The following ENHO variants were observed in gnomAD, a reference collection of about 807,000 sequenced individuals.
ENHO encodes energy homeostasis associated, also known as adropin.
In ENHO, 5 loss-of-function variants were observed where a neutral mutation model predicts 4.1. The observed-to-expected ratio is 1.23, with a 90% CI of 0.64 to 2.58. The LOEUF (loss-of-function observed/expected upper bound fraction) is 2.58, where lower values mean the gene tolerates loss of function less well. Among genes scored for constraint, ENHO ranks in the 30% most tolerant of loss-of-function variants. The pLI is 0.01. For synonymous variants in ENHO, 45 were observed against 42.9 expected, an observed-to-expected ratio of 1.05 and a Z score of -0.19; for missense variants, 86 against 97.7, an observed-to-expected ratio of 0.88 and a Z score of 0.51.
chr9:34,521,564 G>C lies in ENHO; in HGVS notation c.132C>G (p.Leu44=). Residue 44 remains leucine (L), a synonymous_variant, in exon 2 of 2, where the codon CTC becomes CTG. Transcript: ENST00000399775. ...GGCTGGAGTTGGGACTGGATTCAGAGAGAGAGTCAACGTCGGCAGAGCGAG... is the reference window on the plus strand; with the variant it reads ...GGCTGGAGTTGGGACTGGATTCAGACAGAGAGTCAACGTCGGCAGAGCGAG... ...CHSRSADVDS[L]SESSPNSSPG... The C allele has an allele frequency of 1.2e-6, 2 of 1,614,088 alleles. No homozygotes were observed. The highest frequency in any genetic ancestry group is 1.7e-6 in the Non-Finnish European group (2 of 1,180,034).
rs72735260 is a variant in ENHO at position 34,521,190 on chromosome 9, G to T, written c.*275C>A. On this transcript the variant is annotated 3_prime_UTR_variant, in exon 2 of 2. Transcript: ENST00000399775. ...AGGTGCTCAGCCTAGGGAAAGAGTG[G>T]ACCCGGCCCCTGACCCTTGGCCCTT... 0.091 allele frequency: 51,847 copies of T among 570,550 alleles called. 2,851 individuals are homozygous for T. Among genetic ancestry groups the T allele is most frequent in the Non-Finnish European group, 0.12 (36,777 of 317,024 alleles). 35.3% of individuals were successfully genotyped at this position (570,550 alleles called of 1,614,324 possible). A position where few individuals can be genotyped will look rare whatever the true frequency, so the allele number is the denominator to read the frequency against.
chr9:34,521,463 C>T lies in ENHO; in HGVS notation c.*2G>A, dbSNP rs1280413291. The stretch of plus-strand genomic sequence containing the variant: ...CTGGGCTCCAGGCTAGGCCAGGGGC[C>T]TTCAGGGCTGCAGCAGGTAGCTGCC... On this transcript the variant is annotated 3_prime_UTR_variant, in exon 2 of 2. Transcript: ENST00000399775. The T allele has an allele frequency of 1.2e-6, 2 of 1,611,506 alleles. No individual in the cohort carries two copies. Among genetic ancestry groups the T allele is most frequent in the African/African-American group, 1.3e-5 (1 of 75,000 alleles).
At position 34,522,965 on chromosome 9, in the gene ENHO, G is replaced by T. The variant is rs1246229822; in HGVS notation, c.-350C>A. ...CGGCCGCTCCCGCCGCGGCGCGACC[G>T]GGGCGGCCTCTGCCGCGGGCGGTCT... On this transcript the variant is annotated 5_prime_UTR_variant, in exon 1 of 2. Transcript: ENST00000399775. This position sits in a 1 kb window ranked among gnomAD's most constrained non-coding sequence, Gnocchi z 4.2. 2 of 150,948 alleles carry T rather than the reference G, an allele frequency of 1.3e-5. No individual in the cohort carries two copies. Among genetic ancestry groups the T allele is most frequent in the African/African-American group, 4.8e-5 (2 of 41,278 alleles). 9.4% of individuals were successfully genotyped at this position (150,948 alleles called of 1,614,324 possible). A position where few individuals can be genotyped will look rare whatever the true frequency, so the allele number is the denominator to read the frequency against.
In ENHO at chr9:34,521,367, G is replaced by C; in HGVS notation, c.*98C>G. 8.5e-7 allele frequency: 1 copy of C among 1,176,864 alleles called. No homozygotes were observed. Among genetic ancestry groups the C allele is most frequent in the Middle Eastern group, 1.9e-4 (1 of 5,252 alleles). The allele number at this position is 1,176,864 out of a possible 1,614,324, so 72.9% of individuals were successfully genotyped here. ...TCCAGCTCCAAGCAGGCGGACTCTTGAGTTCTGGACCCCAGGCTGGCTGAA... is the reference window on the plus strand; with the variant it reads ...TCCAGCTCCAAGCAGGCGGACTCTTCAGTTCTGGACCCCAGGCTGGCTGAA... On this transcript the variant is annotated 3_prime_UTR_variant, in exon 2 of 2. Coordinates refer to ENST00000399775, the MANE Select transcript of ENHO (RefSeq NM_198573.3).
Position 34,521,563 on chromosome 9 carries a change from A to G in ENHO, c.133T>C (p.Ser45Pro). Reference sequence around the variant, plus strand: ...GGGCTGGAGTTGGGACTGGATTCAGAGAGAGAGTCAACGTCGGCAGAGCGA... The same window carrying G: ...GGGCTGGAGTTGGGACTGGATTCAGGGAGAGAGTCAACGTCGGCAGAGCGA... The part of the protein sequence containing the change: ...HSRSADVDSL[S>P]ESSPNSSPGP... Residue 45 changes from serine (S) to proline (P), a missense_variant, in exon 2 of 2, where the codon TCT (serine) becomes CCT (proline). Ser to Pro is a moderately conservative substitution (Grantham distance 74, BLOSUM62 -1). Coordinates refer to ENST00000399775, the MANE Select transcript of ENHO (RefSeq NM_198573.3). 1 of 1,613,992 alleles carries G rather than the reference A, an allele frequency of 6.2e-7. No individual in the cohort carries two copies. Among genetic ancestry groups the G allele is most frequent in the Non-Finnish European group, 8.5e-7 (1 of 1,180,016 alleles).
rs1295941053 is a variant in ENHO at position 34,522,011 on chromosome 9, C to G, written c.-161-155G>C. 6.6e-6 allele frequency among the ~76,000 whole-genome samples: 1 copy of G among 152,176 alleles called. No homozygotes were observed. Among genetic ancestry groups the G allele is most frequent in the Non-Finnish European group, 1.5e-5 (1 of 68,020 alleles). On this transcript the variant is annotated intron_variant, in intron 1 of 1. Transcript: ENST00000399775. This position sits in a 1 kb window ranked among gnomAD's most constrained non-coding sequence, Gnocchi z 4.2. ...CAACAGGCTCGAATACCCCACAGAGCCATCACCCCCATCCACAGGCTTGGT... is the reference window on the plus strand; with the variant it reads ...CAACAGGCTCGAATACCCCACAGAGGCATCACCCCCATCCACAGGCTTGGT...
At position 34,522,664 on chromosome 9, in the gene ENHO, GTC is replaced by G. The variant is rs1459696900; in HGVS notation, c.-162+111_-162+112del. 1 of 152,936 alleles carries G rather than the reference GTC, an allele frequency of 6.5e-6. No individual in the cohort carries two copies. The highest frequency in any genetic ancestry group is 1.5e-5 in the Non-Finnish European group (1 of 68,252). 9.5% of individuals were successfully genotyped at this position (152,936 alleles called of 1,614,324 possible). On this transcript the variant is annotated intron_variant, in intron 1 of 1. Coordinates refer to ENST00000399775, the MANE Select transcript of ENHO (RefSeq NM_198573.3). The surrounding 1 kb of genome is among the most constrained non-coding windows in gnomAD (Gnocchi z 4.2). ...GTGGGGTCTTTTCGGTGGTTCCTGT[GTC>G]TCTGTCTTTGTGTTCGTCTCTCTCC...
chr9:34,521,318 C>A lies in ENHO; in HGVS notation c.*147G>T. The A allele has an allele frequency of 1.3e-6, 1 of 793,948 alleles. No homozygotes were observed. The highest frequency in any genetic ancestry group is 2.1e-6 in the Non-Finnish European group (1 of 468,434). 49.2% of individuals were successfully genotyped at this position (793,948 alleles called of 1,614,324 possible). On this transcript the variant is annotated 3_prime_UTR_variant, in exon 2 of 2. Transcript: ENST00000399775. Reference sequence around the variant, plus strand: ...CCACTGAGCTCCTATTGGAGCCAAGCTGGCTAGACTCTGGGCCGCTGGGTC... The same window carrying A: ...CCACTGAGCTCCTATTGGAGCCAAGATGGCTAGACTCTGGGCCGCTGGGTC...
Position 34,521,411 on chromosome 9 carries a change from A to C in ENHO, c.*54T>G. 1 of 1,504,778 alleles carries C rather than the reference A, an allele frequency of 6.6e-7. No homozygotes were observed. The highest frequency in any genetic ancestry group is 9.2e-7 in the Non-Finnish European group (1 of 1,089,554). 93.2% of individuals were successfully genotyped at this position (1,504,778 alleles called of 1,614,324 possible). On this transcript the variant is annotated 3_prime_UTR_variant, in exon 2 of 2. Transcript: ENST00000399775. ...GGCTGAACTCTGGGATCCTAATTCC[A>C]GGCTCTAGGTGAGGTGGACTTAGGT...
In ENHO at chr9:34,521,516, G is replaced by A. The variant is rs748763619; in HGVS notation, c.180C>T (p.Ala60=). 6.2e-7 allele frequency: 1 copy of A among 1,613,874 alleles called. No homozygotes were observed. Among genetic ancestry groups the A allele is most frequent in the Non-Finnish European group, 8.5e-7 (1 of 1,180,006 alleles). ...NSSPGPCPEK[A]PPPQKPSHEG... is the part of the protein sequence containing the mutation. ...CATGGCTGGGCTTCTGGGGTGGTGGGGCCTTCTCAGGACAGGGGCCAGGGC... is the reference window on the plus strand; with the variant it reads ...CATGGCTGGGCTTCTGGGGTGGTGGAGCCTTCTCAGGACAGGGGCCAGGGC... Residue 60 remains alanine (A), a synonymous_variant, in exon 2 of 2, where the codon GCC becomes GCT. Transcript: ENST00000399775.
Position 34,521,763 on chromosome 9 carries a change from A to C in ENHO, c.-68T>G. On this transcript the variant is annotated 5_prime_UTR_variant, in exon 2 of 2. Coordinates refer to ENST00000399775, the MANE Select transcript of ENHO (RefSeq NM_198573.3). The stretch of plus-strand genomic sequence containing the variant: ...TCAATGGTGAGGCCCATGCCGAGGC[A>C]GGACTCTGGTATGGCCGGCCTTCAG... The C allele has an allele frequency of 7.0e-7, 1 of 1,422,264 alleles. No individual in the cohort carries two copies. Among genetic ancestry groups the C allele is most frequent in the Non-Finnish European group, 9.7e-7 (1 of 1,026,998 alleles). 88.1% of individuals were successfully genotyped at this position (1,422,264 alleles called of 1,614,324 possible).
rs761144143 is a variant in ENHO, at chr9:34,521,528, A to T, written c.168T>A (p.Cys56Ter). ...TCTGGGGTGGTGGGGCCTTCTCAGG[A>T]CAGGGGCCAGGGCTGGAGTTGGGAC... ...ESSPNSSPGPCPEKAPPPQKP... is the reference protein window; with the variant it reads ...ESSPNSSPGP The change falls in exon 2 of 2, where the codon TGT (cysteine) becomes TGA (stop). Residue 56 changes from cysteine (C) to a stop codon, truncating the protein, a stop_gained. Coordinates refer to ENST00000399775, the MANE Select transcript of ENHO (RefSeq NM_198573.3). LOFTEE classifies it high-confidence loss of function. 6.2e-7 allele frequency: 1 copy of T among 1,613,910 alleles called. No homozygotes were observed. Among genetic ancestry groups the T allele is most frequent in the Admixed American group, 1.7e-5 (1 of 60,018 alleles).
intron 1 of ENHO, 28 bp from the exon 2 acceptor site, chr9:34,521,884 G>A (rs1825286960): frequency 1.6e-6 from 1 of 609,764 alleles, no homozygotes; most frequent in Non-Finnish European, 3.0e-6. Flanking sequence ...TAAAGGAGAG[G>A]GTGGTGAGGA....
chr9:34,521,841 A>G lies in ENHO; in HGVS notation c.-146T>C. 1.4e-6 allele frequency: 1 copy of G among 693,166 alleles called. No homozygotes were observed. Among genetic ancestry groups the G allele is most frequent in the South Asian group, 1.8e-5 (1 of 54,688 alleles). The allele number at this position is 693,166 out of a possible 1,614,324, so 42.9% of individuals were successfully genotyped here. ...TGATTCCTGGGCAGTGGAGATGTCT[A>G]CCTGCAGTCCTGAGCCTGTTGGGGG... On this transcript the variant is annotated 5_prime_UTR_variant, in exon 2 of 2. Transcript: ENST00000399775.
In ENHO at chr9:34,521,500, G is replaced by A. The variant is rs1825280492; in HGVS notation, c.196C>T (p.Pro66Ser). 6.2e-7 allele frequency: 1 copy of A among 1,613,536 alleles called. No individual in the cohort carries two copies. The part of the protein sequence containing the change: ...CPEKAPPPQK[P>S]SHEGSYLLQP ...AGCAGGTAGCTGCCTTCATGGCTGG[G>A]CTTCTGGGGTGGTGGGGCCTTCTCA... is the stretch of plus-strand genomic sequence containing the variant. Residue 66 changes from proline (P) to serine (S), a missense_variant, in exon 2 of 2, where the codon CCC (proline) becomes TCC (serine). By Grantham distance (74) the Pro-to-Ser change is moderately conservative. Transcript: ENST00000399775.
rs1825281513 is a variant in ENHO, at chr9:34,521,542, T to C, written c.154A>G (p.Ser52Gly). ...DSLSESSPNS[S>G]PGPCPEKAPP... is the part of the protein sequence containing the mutation. The stretch of plus-strand genomic sequence containing the variant: ...GCCTTCTCAGGACAGGGGCCAGGGC[T>C]GGAGTTGGGACTGGATTCAGAGAGA... Residue 52 changes from serine (S) to glycine (G), a missense_variant, in exon 2 of 2, where the codon AGC becomes GGC. By Grantham distance (56) the Ser-to-Gly change is moderately conservative (BLOSUM62 0). Coordinates refer to ENST00000399775, the MANE Select transcript of ENHO (RefSeq NM_198573.3). 1 of 1,613,824 alleles carries C rather than the reference T, an allele frequency of 6.2e-7. No individual in the cohort carries two copies. Among genetic ancestry groups the C allele is most frequent in the Non-Finnish European group, 8.5e-7 (1 of 1,180,032 alleles).
Position 34,521,642 on chromosome 9 carries a change from G to A in ENHO, c.54C>T (p.Leu18=). 3.7e-6 allele frequency: 6 copies of A among 1,614,040 alleles called. No individual in the cohort carries two copies. Among genetic ancestry groups the A allele is most frequent in the Non-Finnish European group, 5.1e-6 (6 of 1,180,032 alleles). Residue 18 remains leucine, a synonymous_variant, in exon 2 of 2, where the codon CTC becomes CTT. Transcript: ENST00000399775. ...AGAGCAGCAGCAGCAAGAAGCCCAC[G>A]AGACCGTTGCAGACGATGGCGATGA... ...GALIAIVCNG[L]VGFLLLLLWV...
chr9:34,521,712 A>G lies in ENHO; in HGVS notation c.-17T>C. ...TGCCCCCATGACAGGCAGCACCCTC[A>G]GACCAGCACAGACAGTGGAGCTGCC... On this transcript the variant is annotated 5_prime_UTR_variant, in exon 2 of 2. It removes the in-frame stop codon of an upstream open reading frame in the 5' UTR. Coordinates refer to ENST00000399775, the MANE Select transcript of ENHO (RefSeq NM_198573.3). The G allele has an allele frequency of 3.8e-6, 6 of 1,599,124 alleles. No individual in the cohort carries two copies. Among genetic ancestry groups the G allele is most frequent in the Non-Finnish European group, 5.1e-6 (6 of 1,169,584 alleles).
In ENHO at chr9:34,521,587, G is replaced by A; in HGVS notation, c.109C>T (p.Arg37Cys). 4 of 1,614,082 alleles carry A rather than the reference G, an allele frequency of 2.5e-6. No individual in the cohort carries two copies. Among genetic ancestry groups the A allele is most frequent in the South Asian group, 1.1e-5 (1 of 91,082 alleles). ...WVILCWACHS[R>C]SADVDSLSES... is the part of the protein sequence containing the mutation. ...GAGAGAGAGTCAACGTCGGCAGAGCGAGAATGGCAGGCCCAGCAGAGGATG... is the reference window on the plus strand; with the variant it reads ...GAGAGAGAGTCAACGTCGGCAGAGCAAGAATGGCAGGCCCAGCAGAGGATG... The change falls in exon 2 of 2, where the codon CGC becomes TGC. Residue 37 changes from arginine to cysteine, a missense_variant. Arg to Cys is a radical substitution (Grantham distance 180). Coordinates refer to ENST00000399775, the MANE Select transcript of ENHO (RefSeq NM_198573.3).
Sources: gnomAD v4.1 joint callset for allele counts (sites outside exome capture counted in the v4.1 genomes callset) on GRCh38, gnomAD v4.1.1 for gene constraint, Gnocchi (gnomAD v3.1) non-coding constraint, MANE v1.5 for transcripts, NCBI Gene and HGNC (gene_info 2026-07-23, HGNC 2026-07-21) for gene names.